Variants in TADA2A observed in about 807,000 individuals in gnomAD.
TADA2A encodes the protein transcriptional adaptor 2A.
A neutral mutation model predicts 67.4 loss-of-function variants in TADA2A; 38 were observed. The ratio of observed to expected loss-of-function variants is 0.56; its 90% CI spans 0.44 to 0.74. The LOEUF is 0.74. TADA2A is among the 30% of genes least tolerant of loss of function. TADA2A has a pLI of 0.00. For missense variants in TADA2A, 454 were observed against 547.0 expected (o/e 0.83, Z 1.70); for synonymous variants, 192 against 181.6 (o/e 1.06, Z -0.46).
intron 2 of TADA2A, among the ~76,000 whole-genome samples, chr17:37,420,498 T>G (rs928734062): frequency 2.1e-5 from 3 of 143,446 alleles, no homozygotes; most frequent in African/African-American, 7.6e-5. Context: ...GTTCAAACAA[T>G]TCTCCTGCCT....
At chr17:37,438,875 C>A (rs187420825) in intron 5 of TADA2A, among the ~76,000 whole-genome samples, 1 of 152,120 alleles carries the variant, frequency 6.6e-6, no homozygotes, top group South Asian at 2.1e-4. Flanking sequence ...CTTCTCTATC[C>A]GCTGTGGGTA....
chr17:37,406,998 G>A (rs1208031240), intron 1 of TADA2A, 49 bp downstream of exon 1: 1 of 147,672 alleles, frequency 6.8e-6, no homozygotes, highest in Non-Finnish European at 1.5e-5. Context: ...GTGGCGGAGC[G>A]CGAGCCCCTC....
chr17:37,439,757 T>C (rs753118195), intron 5 of TADA2A, among the ~76,000 whole-genome samples: 35 of 152,144 alleles, frequency 2.3e-4, no homozygotes, highest in Non-Finnish European at 3.8e-4. Context: ...GAAATGTTTA[T>C]GTTAAGTGTT....
chr17:37,426,407 CG>C (rs1381850022), intron 3 of TADA2A: 1 of 151,992 alleles, frequency 6.6e-6, no homozygotes, highest in Non-Finnish European at 1.5e-5. Flanking sequence ...CGGTGGCTCA[CG>C]CCTGTAATCC....
chr17:37,435,147 T>C (rs1181864025), intron 4 of TADA2A, among the ~76,000 whole-genome samples: 1 of 152,200 alleles, frequency 6.6e-6, no homozygotes, highest in African/African-American at 2.4e-5. Context: ...TCATTGCTAC[T>C]GGGTTGGTCA....
At chr17:37,437,378 A>G (rs1323735536) in intron 4 of TADA2A, among the ~76,000 whole-genome samples, 1 of 151,000 alleles carries the variant, frequency 6.6e-6, no homozygotes, top group Non-Finnish European at 1.5e-5. Flanking sequence ...GGCGTGAGCC[A>G]CTGTGCCCGG....
intron 8 of TADA2A, among the ~76,000 whole-genome samples, chr17:37,445,998 A>G (rs1407450072): frequency 2.0e-5 from 3 of 151,490 alleles, no homozygotes; most frequent in East Asian, 1.9e-4. Flanking sequence ...CTGCCTGGAT[A>G]TTTGTTATAC....
chr17:37,422,868 A>G (rs1363517882), intron 2 of TADA2A, among the ~76,000 whole-genome samples: 1 of 152,156 alleles, frequency 6.6e-6, no homozygotes, highest in African/African-American at 2.4e-5. Context: ...GATTTTCTTT[A>G]TATTGTATGT....
chr17:37,459,634 C>G (rs1041033971), intron 9 of TADA2A, among the ~76,000 whole-genome samples: 1 of 151,126 alleles, frequency 6.6e-6, no homozygotes, highest in Non-Finnish European at 1.5e-5. Flanking sequence ...ACTCTGTCAC[C>G]CAGGCTGGAG....
Position 37,463,884 on chromosome 17 carries a change from C to T in TADA2A, c.713-1547C>T, listed in dbSNP as rs143700212. On this transcript the variant is annotated intron_variant, in intron 10 of 15. Coordinates refer to ENST00000615182, the MANE Select transcript of TADA2A (RefSeq NM_001166105.3). Reference sequence around the variant, plus strand: ...AGGAGAATCGCTTGAACCCGGGAGGCGGAGGTCGCAGTGAGCCAAGATCGT... The same window carrying T: ...AGGAGAATCGCTTGAACCCGGGAGGTGGAGGTCGCAGTGAGCCAAGATCGT... Among the ~76,000 whole-genome samples the T allele has an allele frequency of 6.0e-3, 903 of 151,648 alleles. 5 individuals carry two copies. The highest frequency in any genetic ancestry group is 0.019 in the African/African-American group (784 of 41,330).
At chr17:37,410,794 A>C (rs1283284127) in intron 1 of TADA2A, among the ~76,000 whole-genome samples, 2 of 152,290 alleles carry the variant, frequency 1.3e-5, no homozygotes, top group East Asian at 1.9e-4. Context: ...AGCTTTTGTC[A>C]GGGGTGGGGA....
chr17:37,461,887 C>T (rs922972054), intron 9 of TADA2A, 191 bp from the exon 10 acceptor site: 8 of 511,174 alleles, frequency 1.6e-5, no homozygotes, highest in Non-Finnish European at 2.8e-5. Flanking sequence ...AGGAAAAACC[C>T]GTGATGCCTG....
chr17:37,455,526 C>T (rs1162583190), intron 8 of TADA2A, among the ~76,000 whole-genome samples: 16 of 151,826 alleles, frequency 1.1e-4, no homozygotes, highest in African/African-American at 3.4e-4. Flanking sequence ...GGACTACAGG[C>T]GCCCGCCACC....
intron 2 of TADA2A, among the ~76,000 whole-genome samples, chr17:37,416,834 C>T (rs986934821): frequency 6.6e-6 from 1 of 151,552 alleles, no homozygotes; most frequent in African/African-American, 2.4e-5. Flanking sequence ...CACTACACTC[C>T]AGCCTTCCAG....
chr17:37,465,696 G>A (rs1329981610), intron 11 of TADA2A, 155 bp downstream of exon 11: 1 of 1,386,344 alleles, frequency 7.2e-7, no homozygotes, highest in Admixed American at 2.3e-5. Context: ...TTGGGACTAT[G>A]GGGGTGGCAG....
intron 14 of TADA2A, 51 bp downstream of exon 14, chr17:37,471,188 A>G: frequency 1.9e-6 from 3 of 1,580,326 alleles, no homozygotes; most frequent in Non-Finnish European, 2.6e-6. Flanking sequence ...TTTGCATCGT[A>G]GGGGTTATAG....
At chr17:37,469,940 A>G (rs764618517) in intron 12 of TADA2A, among the ~76,000 whole-genome samples, 3 of 152,224 alleles carry the variant, frequency 2.0e-5, no homozygotes, top group Admixed American at 6.5e-5. Context: ...TCTAAGAAAT[A>G]TGGAGAAGAG....
rs139002979 is a variant in TADA2A at position 37,420,969 on chromosome 17, T to G, written c.26-2540T>G. Among the ~76,000 whole-genome samples the G allele has an allele frequency of 5.4e-5, 8 of 147,038 alleles. 2 individuals carry two copies. Among genetic ancestry groups the G allele is most frequent in the African/African-American group, 1.7e-4 (7 of 40,654 alleles). On this transcript the variant is annotated intron_variant, in intron 2 of 15. Transcript: ENST00000615182. ...ACCAGGGACACATATATCTGCATTT[T>G]TATGAGTTTTGAGAGTTTGGATTGT...
chr17:37,473,534 G>A (rs1367980447), intron 14 of TADA2A, among the ~76,000 whole-genome samples: 1 of 152,178 alleles, frequency 6.6e-6, no homozygotes, highest in Non-Finnish European at 1.5e-5. Flanking sequence ...AGTGGAGCTT[G>A]TAACAGTCCC....
Sources: gnomAD v4.1 joint callset for allele counts (sites outside exome capture counted in the v4.1 genomes callset) on GRCh38, gnomAD v4.1.1 for gene constraint, MANE v1.5 for transcripts, NCBI Gene and HGNC (gene_info 2026-07-23, HGNC 2026-07-21) for gene names.